OXR1: variants seen among roughly 807,000 people sequenced by gnomAD.
OXR1 encodes oxidation resistance 1, also known as oxidation resistance protein 1.
In OXR1, 41 loss-of-function variants were observed where a neutral mutation model predicts 104.6. That is an observed-to-expected ratio of 0.39 (90% CI 0.31 to 0.51). The LOEUF (loss-of-function observed/expected upper bound fraction) is 0.51, where lower values mean the gene tolerates loss of function less well. Among genes scored for constraint, OXR1 ranks in the 20% least tolerant of loss-of-function variants. The pLI is 0.77. For missense variants in OXR1, 955 were observed against 1,031.9 expected (o/e 0.93, Z 1.02); for synonymous variants, 348 against 348.4 (o/e 1.00, Z 0.01).
chr8:106,420,605 A>G (rs1184085173), intron 2 of OXR1, among the ~76,000 whole-genome samples: 1 of 151,876 alleles, frequency 6.6e-6, no homozygotes, highest in Non-Finnish European at 1.5e-5. Context: ...ATAATATATA[A>G]TACCTAAAAT....
intron 1 of OXR1, among the ~76,000 whole-genome samples, chr8:106,300,861 T>A (rs892842085): frequency 1.3e-5 from 2 of 152,172 alleles, no homozygotes; most frequent in Admixed American, 6.6e-5. Context: ...GGAGAAACAA[T>A]CTCTTCATAC....
chr8:106,421,450 C>G (rs1429990612), intron 2 of OXR1, among the ~76,000 whole-genome samples: 1 of 152,098 alleles, frequency 6.6e-6, no homozygotes, highest in Non-Finnish European at 1.5e-5. Flanking sequence ...TTTCTGGGCC[C>G]ATTGTAAGCC....
intron 3 of OXR1, among the ~76,000 whole-genome samples, chr8:106,528,848 A>G (rs1277160535): frequency 1.3e-5 from 2 of 152,226 alleles, no homozygotes; most frequent in Non-Finnish European, 2.9e-5. Flanking sequence ...GATTTAATCA[A>G]CAGAACTATC....
rs1821458237 is a variant in OXR1, at chr8:106,470,948, G to C, written c.24-47995G>C. On this transcript the variant is annotated intron_variant, in intron 2 of 16. Coordinates refer to ENST00000517566, the MANE Select transcript of OXR1 (RefSeq NM_001198533.2). ...ACCATTGGAGGTCATTGCTGACCTT[G>C]ATGTGGGCAGTTTTGGTGGTATGGT... is the stretch of plus-strand genomic sequence containing the variant. Among the ~76,000 whole-genome samples the C allele has an allele frequency of 2.6e-5, 4 of 151,784 alleles. No homozygotes were observed. The South Asian group carries it at 8.3e-4, about 31-fold the overall frequency.
chr8:106,508,079 G>T (rs1187704239), intron 2 of OXR1, among the ~76,000 whole-genome samples: 1 of 152,144 alleles, frequency 6.6e-6, no homozygotes, highest in African/African-American at 2.4e-5. Context: ...GTGCCAGCTT[G>T]GGGTGGGGTC....
intron 6 of OXR1, among the ~76,000 whole-genome samples, chr8:106,691,975 GTC>G (rs781271865): frequency 0.27 from 39,020 of 142,244 alleles, 6,351 homozygotes; most frequent in African/African-American, 0.48. Context: ...GTGTGTGTGT[GTC>G]TATATATATA....
chr8:106,443,184 T>C (rs1002149547), intron 2 of OXR1, among the ~76,000 whole-genome samples: 1 of 152,218 alleles, frequency 6.6e-6, no homozygotes, highest in African/African-American at 2.4e-5. Flanking sequence ...CAGGAACACG[T>C]TGTTCAATTT....
At chr8:106,397,174 T>G (rs1449866172) in intron 2 of OXR1, among the ~76,000 whole-genome samples, 1 of 152,118 alleles carries the variant, frequency 6.6e-6, no homozygotes, top group African/African-American at 2.4e-5. Flanking sequence ...ATCTTGCACT[T>G]TGTTGCACCA....
At chr8:106,676,565 C>T (rs910472835) in intron 3 of OXR1, among the ~76,000 whole-genome samples, 2 of 151,978 alleles carry the variant, frequency 1.3e-5, no homozygotes, top group South Asian at 4.2e-4. Context: ...TTAGTTTGGC[C>T]AGATGTGAAA....
At chr8:106,714,372 G>C (rs895979221) in intron 11 of OXR1, among the ~76,000 whole-genome samples, 2 of 151,914 alleles carry the variant, frequency 1.3e-5, no homozygotes, top group African/African-American at 4.8e-5. Flanking sequence ...CCATGGAGGA[G>C]GTACGGCAGT....
chr8:106,362,355 T>C (rs1286308598), intron 2 of OXR1, among the ~76,000 whole-genome samples: 1 of 152,186 alleles, frequency 6.6e-6, no homozygotes, highest in Admixed American at 6.6e-5. Context: ...GTAGAAAACC[T>C]AGGAATTTTA....
Position 106,706,443 on chromosome 8 carries a change from A to G in OXR1, c.922A>G (p.Thr308Ala). The G allele has an allele frequency of 1.9e-6, 3 of 1,599,966 alleles. No homozygotes were observed. In the South Asian group the frequency reaches 3.4e-5, roughly 18 times the overall value. ...TTCAAAGAAAATGACAGGAAGTAAC[A>G]CTGAGGAAATAGACTCAAGAATCCG... The part of the protein sequence containing the change: ...CHSKKMTGSN[T>A]EEIDSRIRDA... Residue 308 changes from threonine (T) to alanine (A), a missense_variant, in exon 9 of 17, where the codon ACT becomes GCT. By Grantham distance (58) the Thr-to-Ala change is moderately conservative. Transcript: ENST00000517566.
intron 2 of OXR1, among the ~76,000 whole-genome samples, chr8:106,491,586 A>T (rs1260142003): frequency 6.6e-6 from 1 of 152,184 alleles, no homozygotes; most frequent in Non-Finnish European, 1.5e-5. Context: ...GTAGTGTGAA[A>T]TTTCTAGTTT....
chr8:106,574,649 A>G (rs1394482574), intron 3 of OXR1, among the ~76,000 whole-genome samples: 2 of 152,374 alleles, frequency 1.3e-5, no homozygotes, highest in African/African-American at 2.4e-5. Context: ...GACAGGGGCT[A>G]TGCCCCATCC....
At chr8:106,693,000 A>G in intron 7 of OXR1, 123 bp downstream of exon 7, 1 of 582,072 alleles carries the variant, frequency 1.7e-6, no homozygotes, top group Non-Finnish European at 2.8e-6. Flanking sequence ...ATAGAAAGGT[A>G]CTAGTGATAC....
chr8:106,417,148 A>C (rs980517949), intron 2 of OXR1, among the ~76,000 whole-genome samples: 7 of 152,158 alleles, frequency 4.6e-5, no homozygotes, highest in African/African-American at 1.7e-4. Flanking sequence ...CTTCTGCCTT[A>C]TATCAGCTGT....
chr8:106,694,078 C>G (rs1291389851), intron 7 of OXR1, among the ~76,000 whole-genome samples: 1 of 151,924 alleles, frequency 6.6e-6, no homozygotes, highest in African/African-American at 2.4e-5. Flanking sequence ...AGATAACTGT[C>G]TTTTACTAAT....
At chr8:106,360,154 C>A (rs1042562792) in intron 2 of OXR1, among the ~76,000 whole-genome samples, 2 of 152,080 alleles carry the variant, frequency 1.3e-5, no homozygotes, top group African/African-American at 4.8e-5. Context: ...TAATCTTTGA[C>A]TTTCAGTGCA....
intron 3 of OXR1, among the ~76,000 whole-genome samples, chr8:106,640,582 TA>T (rs1351648200): frequency 2.6e-5 from 4 of 152,042 alleles, no homozygotes; most frequent in Admixed American, 2.0e-4. Context: ...TCTTTAATAA[TA>T]ATAGAATAAG....
Sources: gnomAD v4.1 joint callset for allele counts (sites outside exome capture counted in the v4.1 genomes callset) on GRCh38, gnomAD v4.1.1 for gene constraint, MANE v1.5 for transcripts, NCBI Gene and HGNC (gene_info 2026-07-23, HGNC 2026-07-21) for gene names.